COBLL1: variants seen among roughly 807,000 people sequenced by gnomAD.
The protein encoded by COBLL1 is cordon-bleu WH2 repeat protein like 1.
In COBLL1, 50 loss-of-function variants were observed where a neutral mutation model predicts 94.8. The observed-to-expected ratio is 0.53, with a 90% CI of 0.42 to 0.67. COBLL1 has a LOEUF of 0.67. COBLL1 is among the 30% of genes least tolerant of loss of function. The probability of loss-of-function intolerance (pLI) is 0.00; values close to 1 mark genes in which losing one functional copy is unlikely to be tolerated. For missense variants in COBLL1, 1,362 were observed against 1,348.7 expected (o/e 1.01, Z -0.15); for synonymous variants, 448 against 473.8 (o/e 0.95, Z 0.71).
At chr2:164,828,055 G>T (rs1685517255) in intron 2 of COBLL1, among the ~76,000 whole-genome samples, 1 of 152,008 alleles carries the variant, frequency 6.6e-6, no homozygotes, top group South Asian at 2.1e-4. Flanking sequence ...TTAATGGTGT[G>T]GTATTTAATG....
chr2:164,769,213 A>G (rs2105243879), intron 2 of COBLL1, among the ~76,000 whole-genome samples: 1 of 152,302 alleles, frequency 6.6e-6, no homozygotes, highest in Non-Finnish European at 1.5e-5. Flanking sequence ...TTTTTAATGT[A>G]TTTAGTGTGA....
chr2:164,812,226 G>C (rs1469870318), intron 2 of COBLL1, among the ~76,000 whole-genome samples: 1 of 151,870 alleles, frequency 6.6e-6, no homozygotes, highest in Non-Finnish European at 1.5e-5. Flanking sequence ...AAGAACACTT[G>C]AATGTTGGTT....
chr2:164,680,214 TGAC>T lies in COBLL1; in HGVS notation c.*5729_*5731del, dbSNP rs1463713161. 1 of 152,116 alleles carries T rather than the reference TGAC, an allele frequency of 6.6e-6. No homozygotes were observed. The highest frequency in any genetic ancestry group is 1.5e-5 in the Non-Finnish European group (1 of 68,016). 9.4% of individuals were successfully genotyped at this position (152,116 alleles called of 1,614,324 possible). On this transcript the variant is annotated 3_prime_UTR_variant, in exon 14 of 14. Coordinates refer to ENST00000652658, the MANE Select transcript of COBLL1 (RefSeq NM_001365672.2). ...AGGAGTGTCTCAATAATTTATTTAT[TGAC>T]TTTATTATAATTTCAAACATGCAGA...
chr2:164,817,918 A>C (rs1263143291), intron 2 of COBLL1, among the ~76,000 whole-genome samples: 1 of 152,138 alleles, frequency 6.6e-6, no homozygotes, highest in Non-Finnish European at 1.5e-5. Context: ...CACTTAGCCC[A>C]GTTTCTGGCA....
At chr2:164,677,826 G>A (rs1691363222), downstream of COBLL1, among the ~76,000 whole-genome samples, 1 of 152,164 alleles carries the variant, frequency 6.6e-6, no homozygotes, top group South Asian at 2.1e-4. Context: ...ATATGCAAAT[G>A]TTAGATATTA....
At chr2:164,783,522 G>A (rs1348855742) in intron 2 of COBLL1, among the ~76,000 whole-genome samples, 4 of 152,140 alleles carry the variant, frequency 2.6e-5, no homozygotes, top group African/African-American at 7.2e-5. Flanking sequence ...CAGTGAATCA[G>A]TGTGGTCAGA....
intron 3 of COBLL1, among the ~76,000 whole-genome samples, chr2:164,730,453 G>A (rs370739398): frequency 6.6e-6 from 1 of 151,606 alleles, no homozygotes; most frequent in African/African-American, 2.4e-5. Flanking sequence ...AGCCGAGATC[G>A]CGCCACTGCA....
chr2:164,779,889 C>T, intron 2 of COBLL1: 1 of 320,988 alleles, frequency 3.1e-6, no homozygotes, highest in Admixed American at 3.5e-5. Context: ...GGTCAGGCCT[C>T]CATCTATGGG....
At chr2:164,760,017 C>T (rs2105613713) in intron 2 of COBLL1, among the ~76,000 whole-genome samples, 1 of 152,296 alleles carries the variant, frequency 6.6e-6, no homozygotes, top group South Asian at 2.1e-4. Flanking sequence ...TAAACATACA[C>T]ATAACGTATG....
chr2:164,690,266 G>T (rs1683523304), intron 13 of COBLL1, among the ~76,000 whole-genome samples: 1 of 152,060 alleles, frequency 6.6e-6, no homozygotes, highest in South Asian at 2.1e-4. Context: ...TTAGTGAAAT[G>T]AGATGGATTA....
At chr2:164,743,108 T>C (rs1305931599) in intron 3 of COBLL1, 1 of 152,146 alleles carries the variant, frequency 6.6e-6, no homozygotes, top group Non-Finnish European at 1.5e-5. Flanking sequence ...TAAAGTTTGA[T>C]TTTACTTTTC....
At chr2:164,808,807 C>A (rs1379089255) in intron 2 of COBLL1, among the ~76,000 whole-genome samples, 2 of 152,088 alleles carry the variant, frequency 1.3e-5, no homozygotes, top group African/African-American at 2.4e-5. Flanking sequence ...GTTTTATAAT[C>A]TTTCATATAT....
At chr2:164,756,735 T>C (rs1687428129) in intron 2 of COBLL1, among the ~76,000 whole-genome samples, 1 of 152,044 alleles carries the variant, frequency 6.6e-6, no homozygotes, top group South Asian at 2.1e-4. Context: ...CATTAATGCA[T>C]TCCAGAAAGG....
At chr2:164,678,280 G>C (rs77883963), downstream of COBLL1, among the ~76,000 whole-genome samples, 114 of 152,132 alleles carry the variant, frequency 7.5e-4, 1 homozygote, top group East Asian at 0.021. Context: ...GAAAATAAAA[G>C]CCCCAAAATA....
At chr2:164,823,540 C>T (rs893430457) in intron 2 of COBLL1, among the ~76,000 whole-genome samples, 3 of 152,188 alleles carry the variant, frequency 2.0e-5, no homozygotes, top group African/African-American at 4.8e-5. Context: ...TGTGTCCAAG[C>T]TTCTCCAGTA....
Position 164,694,937 on chromosome 2 carries a change from T to G in COBLL1, c.2455A>C (p.Met819Leu). ...GGAGCAGGTTTCAGAGGACTAACCATGGCATCATCAGGTGAGCTCACAGAA... is the reference window on the plus strand; with the variant it reads ...GGAGCAGGTTTCAGAGGACTAACCAGGGCATCATCAGGTGAGCTCACAGAA... ...PSSVSSPDDA[M>L]VSPLKPAPKM... The change falls in exon 12 of 14, where the codon ATG becomes CTG. Residue 819 changes from methionine to leucine, a missense_variant. Transcript: ENST00000652658. The G allele has an allele frequency of 1.2e-6, 2 of 1,613,962 alleles. No homozygotes were observed. Among genetic ancestry groups the G allele is most frequent in the Non-Finnish European group, 1.7e-6 (2 of 1,179,920 alleles).
chr2:164,739,756 A>C (rs967068389), intron 3 of COBLL1, among the ~76,000 whole-genome samples: 4 of 152,244 alleles, frequency 2.6e-5, no homozygotes, highest in Non-Finnish European at 5.9e-5. Flanking sequence ...TGGTAGTAAC[A>C]AAGCCATGAA....
At position 164,683,347 on chromosome 2, in the gene COBLL1, G is replaced by A. The variant is rs928650023; in HGVS notation, c.*2599C>T. On this transcript the variant is annotated 3_prime_UTR_variant, in exon 14 of 14. Transcript: ENST00000652658. The stretch of plus-strand genomic sequence containing the variant: ...TTGTGCTGTTATTTTAGGATATGAT[G>A]AGTGAAAACTACTTGTCACAAATTT... 2 of 151,990 alleles carry A rather than the reference G, an allele frequency of 1.3e-5. No homozygotes were observed. The highest frequency in any genetic ancestry group is 4.8e-5 in the African/African-American group (2 of 41,406). The allele number at this position is 151,990 out of a possible 1,614,324, so 9.4% of individuals were successfully genotyped here.
intron 11 of COBLL1, chr2:164,697,852 G>C (rs1230687266): frequency 6.6e-6 from 1 of 151,994 alleles, no homozygotes; most frequent in Non-Finnish European, 1.5e-5. Flanking sequence ...TAAATGGCTA[G>C]ATCATTTTCC....
Sources: allele counts gnomAD v4.1 joint callset (sites outside exome capture counted in the v4.1 genomes callset), GRCh38; gene constraint gnomAD v4.1.1; transcripts MANE v1.5; gene names NCBI Gene and HGNC (gene_info 2026-07-23, HGNC 2026-07-21).